Variants in MACF1 observed in about 807,000 individuals in gnomAD.
MACF1 encodes the protein microtubule-actin cross-linking factor 1.
MACF1 carries 193 observed loss-of-function variants against 854.8 expected under a neutral mutation model. The observed-to-expected ratio is 0.23, with a 90% CI of 0.20 to 0.25. The LOEUF is 0.25. Ranked by LOEUF, MACF1 falls within the 10% of genes least tolerant of loss-of-function variation. The pLI, the probability that MACF1 is intolerant of heterozygous loss-of-function variation, is 1.00. For missense variants in MACF1, 7,722 were observed against 8,929.1 expected (o/e 0.86, Z 5.45); for synonymous variants, 3,185 against 3,226.7 (o/e 0.99, Z 0.44).
intron 22 of MACF1, among the ~76,000 whole-genome samples, chr1:39,301,466 C>G (rs917206126): frequency 4.6e-5 from 7 of 151,684 alleles, no homozygotes; most frequent in African/African-American, 1.7e-4. Context: ...CGCTCTGTGG[C>G]CCAGGCTGGA....
intron 26 of MACF1, among the ~76,000 whole-genome samples, chr1:39,312,895 C>A (rs1646331023): frequency 6.6e-6 from 1 of 152,170 alleles, no homozygotes; most frequent in Non-Finnish European, 1.5e-5. Flanking sequence ...ATTAAAATTT[C>A]ATCAGTTGAC....
chr1:39,189,517 C>G (rs1338599432), intron 2 of MACF1, among the ~76,000 whole-genome samples: 1 of 152,180 alleles, frequency 6.6e-6, no homozygotes, highest in Non-Finnish European at 1.5e-5. Context: ...CTCCTCAACC[C>G]CAACCCAAAT....
At chr1:39,384,663 A>G (rs1235107437) in intron 56 of MACF1, among the ~76,000 whole-genome samples, 1 of 152,252 alleles carries the variant, frequency 6.6e-6, no homozygotes, top group African/African-American at 2.4e-5. Context: ...GCTATATTAT[A>G]AAATACAGAT....
chr1:39,350,234 G>A (rs1647148994), intron 42 of MACF1, among the ~76,000 whole-genome samples: 1 of 152,174 alleles, frequency 6.6e-6, no homozygotes, highest in South Asian at 2.1e-4. Context: ...GAGGTAGGAG[G>A]AGGAAGAGAA....
intron 99 of MACF1, among the ~76,000 whole-genome samples, chr1:39,482,534 T>G (rs190469511): frequency 4.6e-5 from 7 of 151,408 alleles, no homozygotes; most frequent in African/African-American, 1.7e-4. Context: ...TTGTTTGTTT[T>G]TTCATTTTTT....
At chr1:39,347,752 AT>A (rs1647087708) in intron 41 of MACF1, among the ~76,000 whole-genome samples, 1 of 152,154 alleles carries the variant, frequency 6.6e-6, no homozygotes, top group African/African-American at 2.4e-5. Context: ...AATTAATATT[AT>A]TTTCTTGCAC....
chr1:39,412,877 T>C (rs1217298942), intron 58 of MACF1: 4 of 1,608,022 alleles, frequency 2.5e-6, no homozygotes, highest in Non-Finnish European at 3.4e-6. Context: ...GGAACTGCTG[T>C]AGTTGCTGCT....
intron 1 of MACF1, among the ~76,000 whole-genome samples, chr1:39,206,243 T>C (rs1644448989): frequency 6.6e-6 from 1 of 152,198 alleles, no homozygotes; most frequent in Non-Finnish European, 1.5e-5. Flanking sequence ...ACAGACATTT[T>C]AGAAGTGTGT....
At chr1:39,358,394 A>C (rs1164992673) in intron 45 of MACF1, among the ~76,000 whole-genome samples, 2 of 152,146 alleles carry the variant, frequency 1.3e-5, no homozygotes, top group African/African-American at 4.8e-5. Flanking sequence ...AAGAAAGAAT[A>C]CTTTTTGCAC....
At chr1:39,103,355 G>A (rs1279437973) in intron 2 of MACF1, 2 of 227,756 alleles carry the variant, frequency 8.8e-6, no homozygotes, top group Admixed American at 5.2e-5. Context: ...ATGGACATAA[G>A]GAGGCAGATG....
At chr1:39,304,397 T>C in intron 23 of MACF1, 1 of 1,087,118 alleles carries the variant, frequency 9.2e-7, no homozygotes, top group Non-Finnish European at 1.4e-6. Context: ...AAGAACTTTA[T>C]CTCCAACTTT....
Position 39,283,222 on chromosome 1 carries a change from C to T in MACF1, c.729C>T (p.Ile243=), listed in dbSNP as rs1212518833. 1 of 1,613,842 alleles carries T rather than the reference C, an allele frequency of 6.2e-7. No individual in the cohort carries two copies. The highest frequency in any genetic ancestry group is 2.2e-5 in the East Asian group (1 of 44,876). Residue 243 remains isoleucine, a synonymous_variant, in exon 8 of 101, where the codon ATC becomes ATT. Transcript: ENST00000564288. This position sits in a 1 kb window ranked among gnomAD's most constrained non-coding sequence, Gnocchi z 4.5. ...PDLVDMERVQ[I]QSNRENLEQA... is the part of the protein sequence containing the mutation. ...TAGTAGACATGGAGAGGGTGCAAAT[C>T]CAAAGTAACCGAGAGAATCTGGAAC...
At chr1:39,430,931 A>C in intron 66 of MACF1, 23 bp downstream of exon 66, 1 of 1,591,066 alleles carries the variant, frequency 6.3e-7, no homozygotes, top group East Asian at 2.2e-5. Flanking sequence ...ATACCTCTGC[A>C]TTAATATTTT....
intron 38 of MACF1, among the ~76,000 whole-genome samples, chr1:39,339,469 C>G (rs972396083): frequency 6.6e-6 from 1 of 151,168 alleles, no homozygotes; most frequent in Non-Finnish European, 1.5e-5. Flanking sequence ...AGATTCAGCT[C>G]CTGAAAGTTA....
rs1274533277 is a variant in MACF1, at chr1:39,447,581, G to A, written c.19755G>A (p.Glu6585=). ...ILNTVLSQIE[E]HKVFANEVNA... is the part of the protein sequence containing the mutation. ...ATACTGTCCTTTCCCAGATAGAAGA[G>A]CACAAGGTAAGTATGATATTATGAT... Residue 6585 remains glutamate (E), a synonymous_variant, in exon 81 of 101, where the codon GAG becomes GAA. Transcript: ENST00000564288. 9 of 1,614,138 alleles carry A rather than the reference G, an allele frequency of 5.6e-6. No individual in the cohort carries two copies. The East Asian group carries it at 2.0e-4, about 36-fold the overall frequency.
chr1:39,283,991 G>C lies in MACF1; in HGVS notation c.916-75G>C. ...AAATGGATTTTATATAGTTTGGAGT[G>C]GCCTGAGCTACTTTCTCTTGTGCTT... is the stretch of plus-strand genomic sequence containing the variant. On this transcript the variant is annotated intron_variant, in intron 9 of 100. Coordinates refer to ENST00000564288, the MANE Select transcript of MACF1 (RefSeq NM_001394062.1). This position sits in a 1 kb window ranked among gnomAD's most constrained non-coding sequence, Gnocchi z 4.5. The C allele has an allele frequency of 1.3e-6, 2 of 1,518,802 alleles. No individual in the cohort carries two copies. Among genetic ancestry groups the C allele is most frequent in the Non-Finnish European group, 9.0e-7 (1 of 1,107,520 alleles). The allele number at this position is 1,518,802 out of a possible 1,614,324, so 94.1% of individuals were successfully genotyped here.
At chr1:39,317,562 CAGAA>C (rs1646436457) in intron 29 of MACF1, among the ~76,000 whole-genome samples, 155 bp downstream of exon 29, 1 of 152,146 alleles carries the variant, frequency 6.6e-6, no homozygotes, top group Non-Finnish European at 1.5e-5. Flanking sequence ...AAGTAAGTGA[CAGAA>C]AGGTGAGACC....
At chr1:39,205,627 G>A (rs750549207) in intron 1 of MACF1, among the ~76,000 whole-genome samples, 2 of 152,020 alleles carry the variant, frequency 1.3e-5, no homozygotes, top group African/African-American at 2.4e-5. Flanking sequence ...GGAAGGGGTC[G>A]TGCGATGTCC....
intron 55 of MACF1, among the ~76,000 whole-genome samples, chr1:39,381,356 C>CTTT (rs869060742): frequency 1.7e-3 from 61 of 36,786 alleles, no homozygotes; most frequent in African/African-American, 3.7e-3. Context: ...CATGCCTGGC[C>CTTT]TTTTTTTTTT....
Sources: allele counts gnomAD v4.1 joint callset (sites outside exome capture counted in the v4.1 genomes callset), GRCh38; gene constraint gnomAD v4.1.1; non-coding constraint Gnocchi (gnomAD v3.1); transcripts MANE v1.5; gene names NCBI Gene and HGNC (gene_info 2026-07-23, HGNC 2026-07-21).